FAM222B: variants seen among roughly 807,000 people sequenced by gnomAD.
FAM222B encodes the protein protein FAM222B.
Under a neutral mutation model 38.0 loss-of-function variants are expected in FAM222B, and 12 were observed. The ratio of observed to expected loss-of-function variants is 0.32; its 90% CI spans 0.20 to 0.51. The LOEUF is 0.51. Among genes scored for constraint, FAM222B ranks in the 20% least tolerant of loss-of-function variants. The pLI is 0.97. For synonymous variants in FAM222B, 329 were observed against 317.2 expected (o/e 1.04, Z -0.40); for missense variants, 716 against 754.2 (o/e 0.95, Z 0.59).
At chr17:28,829,747 G>A (rs1326007153) in intron 1 of FAM222B, among the ~76,000 whole-genome samples, 1 of 152,098 alleles carries the variant, frequency 6.6e-6, no homozygotes, top group East Asian at 1.9e-4. Context: ...TTTCCAGTTT[G>A]TGGTGACTAT....
At chr17:28,831,799 G>A (rs1299497705) in intron 1 of FAM222B, among the ~76,000 whole-genome samples, 1 of 151,986 alleles carries the variant, frequency 6.6e-6, no homozygotes, top group Non-Finnish European at 1.5e-5. Context: ...TTACAGGCAT[G>A]AACCACCATG....
At chr17:28,851,662 G>C (rs993605228) in intron 1 of FAM222B, among the ~76,000 whole-genome samples, 28 of 151,938 alleles carry the variant, frequency 1.8e-4, no homozygotes, top group African/African-American at 6.8e-4. Flanking sequence ...CAGATCACCG[G>C]GTCAGGAGTT....
chr17:28,834,561 T>C (rs1224575768), intron 1 of FAM222B, among the ~76,000 whole-genome samples: 1 of 152,140 alleles, frequency 6.6e-6, no homozygotes, highest in Non-Finnish European at 1.5e-5. Context: ...GTATTCCTCC[T>C]TCAAGACCCA....
At chr17:28,803,129 C>G (rs190666112) in intron 1 of FAM222B, among the ~76,000 whole-genome samples, 50 of 152,164 alleles carry the variant, frequency 3.3e-4, no homozygotes, top group African/African-American at 1.1e-3. Flanking sequence ...CTGCCTTAGC[C>G]TCCTGAGTAA....
intron 1 of FAM222B, among the ~76,000 whole-genome samples, chr17:28,773,219 T>A (rs1407310710): frequency 2.6e-5 from 4 of 151,912 alleles, no homozygotes; most frequent in African/African-American, 9.7e-5. Flanking sequence ...CTCATGCCTG[T>A]AATCCCCAGC....
rs1429890939 is a variant in FAM222B, at chr17:28,759,677, C to T, written c.282G>A (p.Gln94=). The stretch of plus-strand genomic sequence containing the variant: ...CAAGCAGGCCTGCCTTGGTGGCAGC[C>T]TGTGTCGGGTAGGGGCTGTAGCGCT... The part of the protein sequence containing the change: ...SAQRYSPYPT[Q]AATKAGLLAI... The change falls in exon 3 of 3, where the codon CAG becomes CAA. Residue 94 remains glutamine (Q), a synonymous_variant. Transcript: ENST00000581407. This position sits in a 1 kb window ranked among gnomAD's most constrained non-coding sequence, Gnocchi z 4.8. 5.0e-6 allele frequency: 8 copies of T among 1,613,556 alleles called. No homozygotes were observed. The highest frequency in any genetic ancestry group is 5.1e-6 in the Non-Finnish European group (6 of 1,179,742).
rs60664262 is a variant in FAM222B at position 28,790,884 on chromosome 17, CTTTTTTT to C, written c.-40-24184_-40-24178del. On this transcript the variant is annotated intron_variant, in intron 1 of 2. Transcript: ENST00000581407. ...GTTCTATATATTTCAAATTGTTTCA[CTTTTTTT>C]TTTTTTTTTTTTTTTTTTTTTTTTA... is the stretch of plus-strand genomic sequence containing the variant. Among the ~76,000 whole-genome samples, 585 of 86,072 alleles carry C rather than the reference CTTTTTTT, an allele frequency of 6.8e-3. 62 individuals carry two copies. Among genetic ancestry groups the C allele is most frequent in the African/African-American group, 0.021 (464 of 21,594 alleles). The allele number at this position is 86,072 out of a possible 152,430, so 56.5% of individuals were successfully genotyped here. A position where few individuals can be genotyped will look rare whatever the true frequency, so the allele number is the denominator to read the frequency against.
chr17:28,766,710 G>A lies in FAM222B; in HGVS notation c.-40-3C>T. On this transcript the variant is annotated splice_region_variant and splice_polypyrimidine_tract_variant and intron_variant, in intron 1 of 2. Coordinates refer to ENST00000581407, the MANE Select transcript of FAM222B (RefSeq NM_001077498.3). ...ACAACATGGGGCAGTGGCTCACACT[G>A]TAATGAACAAAAACAAGGTCATGAA... 3.4e-6 allele frequency: 5 copies of A among 1,480,548 alleles called. No homozygotes were observed. Among genetic ancestry groups the A allele is most frequent in the Non-Finnish European group, 4.6e-6 (5 of 1,076,162 alleles). 91.7% of individuals were successfully genotyped at this position (1,480,548 alleles called of 1,614,324 possible).
intron 2 of FAM222B, among the ~76,000 whole-genome samples, chr17:28,762,626 C>CAAA (rs10618524): frequency 6.2e-5 from 3 of 48,154 alleles, no homozygotes; most frequent in Admixed American, 2.8e-4. Flanking sequence ...GACTCCATCT[C>CAAA]AAAAAAAAAA....
At chr17:28,828,095 A>ATT (rs528492764) in intron 1 of FAM222B, among the ~76,000 whole-genome samples, 1,393 of 74,702 alleles carry the variant, frequency 0.019, 105 homozygotes, top group Middle Eastern at 0.024. Flanking sequence ...ATCAAATCCA[A>ATT]TTTTTTTTTT....
Position 28,758,353 on chromosome 17 carries a change from T to C in FAM222B, c.1606A>G (p.Lys536Glu). The C allele has an allele frequency of 6.2e-7, 1 of 1,613,526 alleles. No homozygotes were observed. Among genetic ancestry groups the C allele is most frequent in the South Asian group, 1.1e-5 (1 of 91,044 alleles). Reference sequence around the variant, plus strand: ...CGGTTGCCAGGGGCTCGGTGGGCCTTGCTCAGCATGGCCAGGCTCTGTTCT... The same window carrying C: ...CGGTTGCCAGGGGCTCGGTGGGCCTCGCTCAGCATGGCCAGGCTCTGTTCT... ...FREQSLAMLSKAHRAPGNRAP... is the reference protein window; with the variant it reads ...FREQSLAMLSEAHRAPGNRAP... Residue 536 changes from lysine to glutamate, a missense_variant, in exon 3 of 3, where the codon AAG becomes GAG. Coordinates refer to ENST00000581407, the MANE Select transcript of FAM222B (RefSeq NM_001077498.3).
chr17:28,816,904 G>C (rs1355520049), intron 1 of FAM222B, among the ~76,000 whole-genome samples: 1 of 152,058 alleles, frequency 6.6e-6, no homozygotes, highest in African/African-American at 2.4e-5. Flanking sequence ...GGTTTTAACT[G>C]GCTGCACTTT....
chr17:28,804,087 G>C (rs1425170710), intron 1 of FAM222B, among the ~76,000 whole-genome samples: 2 of 152,146 alleles, frequency 1.3e-5, no homozygotes, highest in Non-Finnish European at 2.9e-5. Context: ...TAGCACCTCA[G>C]TGTGATTAAG....
At chr17:28,854,995 G>GCTTGAACC (rs2039217945) in exon 1 of FAM222B, 2 of 1,525,632 alleles carry the variant, frequency 1.3e-6, no homozygotes, top group Non-Finnish European at 1.8e-6. Flanking sequence ...TCAATCGTAG[G>GCTTGAACC]AGCGCTCCTG....
At chr17:28,814,126 G>A (rs2151933553) in intron 1 of FAM222B, among the ~76,000 whole-genome samples, 1 of 151,268 alleles carries the variant, frequency 6.6e-6, no homozygotes, top group Admixed American at 6.6e-5. Flanking sequence ...AGTACAGTGA[G>A]CAGAGACCGT....
Position 28,790,884 on chromosome 17 carries a change from CTTTTTTTTTT to C in FAM222B, c.-40-24187_-40-24178del, listed in dbSNP as rs60664262. ...GTTCTATATATTTCAAATTGTTTCACTTTTTTTTTTTTTTTTTTTTTTTTTTTTTTTAGAG... is the reference window on the plus strand; with the variant it reads ...GTTCTATATATTTCAAATTGTTTCACTTTTTTTTTTTTTTTTTTTTTAGAG... On this transcript the variant is annotated intron_variant, in intron 1 of 2. Transcript: ENST00000581407. Among the ~76,000 whole-genome samples the C allele has an allele frequency of 3.9e-3, 335 of 86,094 alleles. 18 individuals are homozygous for C. Among genetic ancestry groups the C allele is most frequent in the East Asian group, 9.8e-3 (28 of 2,850 alleles). The allele number at this position is 86,094 out of a possible 152,430, so 56.5% of individuals were successfully genotyped here.
intron 1 of FAM222B, among the ~76,000 whole-genome samples, chr17:28,794,350 G>A (rs1359845381): frequency 6.6e-6 from 1 of 151,722 alleles, no homozygotes; most frequent in Non-Finnish European, 1.5e-5. Flanking sequence ...CTCCCAAGTA[G>A]CTGGGACTAC....
intron 1 of FAM222B, among the ~76,000 whole-genome samples, chr17:28,793,631 G>A (rs1280891962): frequency 6.6e-6 from 1 of 152,058 alleles, no homozygotes; most frequent in Admixed American, 6.6e-5. Flanking sequence ...GGTAGAACAA[G>A]TGTGTTATGA....
At chr17:28,830,352 C>A (rs979713225) in intron 1 of FAM222B, among the ~76,000 whole-genome samples, 1 of 150,948 alleles carries the variant, frequency 6.6e-6, no homozygotes, top group Admixed American at 6.7e-5. Context: ...AGTAGAGAAG[C>A]GGTTTCACCG....
Sources: gnomAD v4.1 joint callset for allele counts (sites outside exome capture counted in the v4.1 genomes callset) on GRCh38, gnomAD v4.1.1 for gene constraint, Gnocchi (gnomAD v3.1) non-coding constraint, MANE v1.5 for transcripts, NCBI Gene and HGNC (gene_info 2026-07-23, HGNC 2026-07-21) for gene names.